Variants in GRID2 observed in about 807,000 individuals in gnomAD.
GRID2 encodes glutamate receptor ionotropic, delta-2.
Under a neutral mutation model 114.8 loss-of-function variants are expected in GRID2, and 33 were observed. That is an observed-to-expected ratio of 0.29 (90% CI 0.22 to 0.38). The LOEUF (loss-of-function observed/expected upper bound fraction) is 0.38. GRID2 is among the 10% of genes least tolerant of loss of function. The pLI, the probability that GRID2 is intolerant of heterozygous loss-of-function variation, is 1.00. For synonymous variants in GRID2, 505 were observed against 449.9 expected (o/e 1.12, Z -1.55); for missense variants, 1,184 against 1,257.7 (o/e 0.94, Z 0.89).
At chr4:93,250,681 T>TTATA (rs1290995861) in intron 8 of GRID2, among the ~76,000 whole-genome samples, 1 of 146,682 alleles carries the variant, frequency 6.8e-6, no homozygotes, top group East Asian at 2.0e-4. Context: ...ATTTTATATA[T>TTATA]TATATATATA....
chr4:93,779,426 G>A (rs987844993), downstream of GRID2, among the ~76,000 whole-genome samples: 15 of 152,056 alleles, frequency 9.9e-5, no homozygotes, highest in Non-Finnish European at 1.8e-4. Context: ...CTGAAGCTTT[G>A]ATCCTCTCAT....
chr4:92,786,165 G>C (rs998318354), intron 2 of GRID2, among the ~76,000 whole-genome samples: 4 of 151,784 alleles, frequency 2.6e-5, no homozygotes, highest in Admixed American at 1.3e-4. Flanking sequence ...AAAACTTCTT[G>C]TATTTTATCT....
At chr4:92,362,012 T>G (rs1273581252) in intron 1 of GRID2, among the ~76,000 whole-genome samples, 1 of 151,968 alleles carries the variant, frequency 6.6e-6, no homozygotes, top group Non-Finnish European at 1.5e-5. Context: ...TATTTCTGTT[T>G]CTCATTCAAA....
intron 2 of GRID2, among the ~76,000 whole-genome samples, chr4:92,991,348 T>C (rs1560776144): frequency 6.6e-6 from 1 of 152,188 alleles, no homozygotes; most frequent in Non-Finnish European, 1.5e-5. Context: ...GTAGTCTTTG[T>C]TTTTGAATCT....
At chr4:93,222,204 T>C (rs529100515) in intron 6 of GRID2, among the ~76,000 whole-genome samples, 3 of 152,124 alleles carry the variant, frequency 2.0e-5, no homozygotes, top group African/African-American at 4.8e-5. Flanking sequence ...AGGAGGAATT[T>C]ATTTTTTTGT....
intron 2 of GRID2, among the ~76,000 whole-genome samples, chr4:92,931,631 C>T (rs1197169850): frequency 6.6e-6 from 1 of 150,538 alleles, no homozygotes; most frequent in Admixed American, 6.7e-5. Context: ...GATACACACA[C>T]ACACACACAC....
intron 5 of GRID2, among the ~76,000 whole-genome samples, chr4:93,208,638 C>A (rs1422591457): frequency 6.6e-6 from 1 of 151,992 alleles, no homozygotes. Flanking sequence ...CAAGTTGTTT[C>A]TCCTACACTA....
intron 8 of GRID2, among the ~76,000 whole-genome samples, chr4:93,366,298 G>A (rs746985974): frequency 1.2e-4 from 18 of 152,020 alleles, no homozygotes; most frequent in Non-Finnish European, 1.6e-4. Flanking sequence ...AAGAGAATGC[G>A]CACCTGGGGA....
intron 2 of GRID2, among the ~76,000 whole-genome samples, chr4:92,602,374 C>T (rs983370066): frequency 1.3e-5 from 2 of 152,116 alleles, no homozygotes; most frequent in African/African-American, 4.8e-5. Context: ...TAGGTGTCAT[C>T]CCTGGGATGC....
At chr4:93,405,654 TAGA>T (rs2149344391) in intron 9 of GRID2, among the ~76,000 whole-genome samples, 1 of 152,302 alleles carries the variant, frequency 6.6e-6, no homozygotes, top group Non-Finnish European at 1.5e-5. Flanking sequence ...AATATTTGGT[TAGA>T]ACATTTCACA....
intron 1 of GRID2, among the ~76,000 whole-genome samples, chr4:92,454,808 C>A (rs1721122467): frequency 6.6e-6 from 1 of 152,208 alleles, no homozygotes; most frequent in African/African-American, 2.4e-5. Flanking sequence ...TGCACTCCAG[C>A]CTGGGGGACA....
chr4:92,478,640 T>C (rs1448198298), intron 1 of GRID2, among the ~76,000 whole-genome samples: 1 of 152,152 alleles, frequency 6.6e-6, no homozygotes, highest in African/African-American at 2.4e-5. Context: ...AAGTATGAAA[T>C]AGTTTTGATC....
chr4:92,594,985 G>C (rs1029950219), intron 2 of GRID2, among the ~76,000 whole-genome samples: 3 of 151,826 alleles, frequency 2.0e-5, no homozygotes, highest in Non-Finnish European at 4.4e-5. Flanking sequence ...CAAGTCAAAA[G>C]GTGAATGAAG....
chr4:92,580,343 A>T (rs544069537), intron 1 of GRID2, among the ~76,000 whole-genome samples: 1 of 151,414 alleles, frequency 6.6e-6, no homozygotes, highest in Non-Finnish European at 1.5e-5. Context: ...AAGAAGAAAA[A>T]AATTACAAAT....
chr4:93,255,701 A>G lies in GRID2; in HGVS notation c.1245+17211A>G, dbSNP rs370639894. 1.2e-3 allele frequency among the ~76,000 whole-genome samples: 179 copies of G among 152,178 alleles called. 3 individuals are homozygous for G. Among genetic ancestry groups the G allele is most frequent in the African/African-American group, 4.3e-3 (177 of 41,534 alleles). ...GGGTCTTGTCTCTTTGGACATGTCTACTTCCCCTTTGAACTTCTGCCATGT... is the reference window on the plus strand; with the variant it reads ...GGGTCTTGTCTCTTTGGACATGTCTGCTTCCCCTTTGAACTTCTGCCATGT... On this transcript the variant is annotated intron_variant, in intron 8 of 15. Coordinates refer to ENST00000282020, the MANE Select transcript of GRID2 (RefSeq NM_001510.4).
chr4:92,742,365 C>T (rs1736935329), intron 2 of GRID2, among the ~76,000 whole-genome samples: 2 of 151,994 alleles, frequency 1.3e-5, no homozygotes, highest in South Asian at 2.1e-4. Context: ...CTTTTTCCCC[C>T]TTTTCCCTTC....
At chr4:92,933,362 A>G (rs571995546) in intron 2 of GRID2, among the ~76,000 whole-genome samples, 3 of 151,438 alleles carry the variant, frequency 2.0e-5, no homozygotes, top group South Asian at 2.1e-4. Context: ...ATATGTTCCA[A>G]TCCATATTTC....
At position 93,121,786 on chromosome 4, in the gene GRID2, G is replaced by A. The variant is rs111600326; in HGVS notation, c.735+10833G>A. ...GTAACTGAAAGCATTCCAATTTTCC[G>A]TTTCTTCACCAACACTTGTTATTTT... On this transcript the variant is annotated intron_variant, in intron 4 of 15. Transcript: ENST00000282020. 1.6e-3 allele frequency among the ~76,000 whole-genome samples: 238 copies of A among 152,118 alleles called. 2 individuals carry two copies. Among genetic ancestry groups the A allele is most frequent in the African/African-American group, 5.3e-3 (220 of 41,514 alleles).
intron 9 of GRID2, among the ~76,000 whole-genome samples, chr4:93,411,914 T>C (rs1178068333): frequency 6.6e-6 from 1 of 151,464 alleles, no homozygotes; most frequent in Admixed American, 6.6e-5. Flanking sequence ...TTAATGTCTT[T>C]ACAGAGATAT....
Sources: allele counts gnomAD v4.1 joint callset (sites outside exome capture counted in the v4.1 genomes callset), GRCh38; gene constraint gnomAD v4.1.1; transcripts MANE v1.5; gene names NCBI Gene and HGNC (gene_info 2026-07-23, HGNC 2026-07-21).